MGAT4C: variants seen among roughly 807,000 people sequenced by gnomAD.
MGAT4C encodes the protein MGAT4 family member C.
In MGAT4C, 19 loss-of-function variants were observed where a neutral mutation model predicts 40.1. That is an observed-to-expected ratio of 0.47 (90% CI 0.33 to 0.70). The LOEUF (loss-of-function observed/expected upper bound fraction) is 0.70. MGAT4C is among the 30% of genes least tolerant of loss of function. The pLI, the probability that MGAT4C is intolerant of heterozygous loss-of-function variation, is 0.02. For missense variants in MGAT4C, 491 were observed against 563.2 expected, an observed-to-expected ratio of 0.87 and a Z score of 1.30; for synonymous variants, 181 against 187.1, an observed-to-expected ratio of 0.97 and a Z score of 0.27.
At chr12:86,620,874 T>C (rs1052255250) in intron 2 of MGAT4C, among the ~76,000 whole-genome samples, 2 of 152,166 alleles carry the variant, frequency 1.3e-5, no homozygotes, top group African/African-American at 2.4e-5. Flanking sequence ...CTCTTCCTCC[T>C]GCTCCCACCA....
chr12:86,035,620 C>T (rs1891156798), intron 2 of MGAT4C, among the ~76,000 whole-genome samples: 1 of 149,870 alleles, frequency 6.7e-6, no homozygotes, highest in East Asian at 1.9e-4. Flanking sequence ...GTGGCCATTT[C>T]TTTTGGTGTT....
At chr12:86,657,328 A>G (rs1963876076) in intron 2 of MGAT4C, among the ~76,000 whole-genome samples, 1 of 151,952 alleles carries the variant, frequency 6.6e-6, no homozygotes, top group Admixed American at 6.6e-5. Context: ...CCTTCATTAT[A>G]GAATGTCCTC....
intron 3 of MGAT4C, among the ~76,000 whole-genome samples, chr12:86,399,095 C>A (rs1006062591): frequency 1.8e-4 from 27 of 152,226 alleles, no homozygotes; most frequent in Middle Eastern, 3.4e-3. Flanking sequence ...CTCAGCCTCC[C>A]GAGTAGCTGG....
At chr12:86,415,667 G>A (rs947540489) in intron 3 of MGAT4C, among the ~76,000 whole-genome samples, 1 of 151,988 alleles carries the variant, frequency 6.6e-6, no homozygotes, top group Non-Finnish European at 1.5e-5. Flanking sequence ...CATGATTGTG[G>A]AGAGGATCAA....
At chr12:86,248,094 T>G (rs1161787689) in intron 1 of MGAT4C, among the ~76,000 whole-genome samples, 1 of 152,182 alleles carries the variant, frequency 6.6e-6, no homozygotes, top group African/African-American at 2.4e-5. Flanking sequence ...AGGAATTTCC[T>G]AAGGCTTCTT....
intron 2 of MGAT4C, among the ~76,000 whole-genome samples, chr12:86,047,076 C>G (rs1892467501): frequency 6.6e-6 from 1 of 151,942 alleles, no homozygotes; most frequent in South Asian, 2.1e-4. Context: ...AGATGAAAAT[C>G]GCCAAAACAA....
At chr12:86,362,230 C>T (rs967169428) in intron 3 of MGAT4C, among the ~76,000 whole-genome samples, 3 of 152,238 alleles carry the variant, frequency 2.0e-5, no homozygotes, top group South Asian at 2.1e-4. Context: ...AGCAAACTAT[C>T]GCAAGGACGG....
chr12:86,194,107 T>C (rs746452812), intron 1 of MGAT4C, among the ~76,000 whole-genome samples: 26 of 152,186 alleles, frequency 1.7e-4, no homozygotes, highest in Middle Eastern at 3.2e-3. Context: ...TGATGACTCA[T>C]CTTCCTGTTC....
intron 2 of MGAT4C, among the ~76,000 whole-genome samples, chr12:86,505,313 A>G (rs764357122): frequency 1.9e-4 from 29 of 152,292 alleles, no homozygotes; most frequent in Non-Finnish European, 3.2e-4. Context: ...TTCCATATCC[A>G]TTTCCTTTCT....
In MGAT4C at chr12:86,108,913, C is replaced by G. The variant is rs191759916; in HGVS notation, c.-56-59190G>C. Among the ~76,000 whole-genome samples the G allele has an allele frequency of 2.6e-5, 4 of 152,284 alleles. No homozygotes were observed. The East Asian group carries it at 7.7e-4, about 29-fold the overall frequency. On this transcript the variant is annotated intron_variant, in intron 1 of 4. Coordinates refer to ENST00000611864, the MANE Select transcript of MGAT4C (RefSeq NM_001351288.2). ...CACCGGAGACACACTTCCCAGCCTA[C>G]AGTTTGGCCACCTGTAGGCTGTAAA...
intron 1 of MGAT4C, among the ~76,000 whole-genome samples, chr12:86,237,132 AACAC>A (rs113335605): frequency 6.6e-6 from 1 of 151,156 alleles, no homozygotes; most frequent in African/African-American, 2.4e-5. Context: ...GGATATAGAA[AACAC>A]ACACACACCA....
At chr12:86,410,475 G>A (rs368782316) in intron 3 of MGAT4C, among the ~76,000 whole-genome samples, 1 of 152,042 alleles carries the variant, frequency 6.6e-6, no homozygotes, top group African/African-American at 2.4e-5. Flanking sequence ...AAAAAATATG[G>A]CTCTATTCTG....
chr12:86,793,368 T>C (rs1442253981), intron 1 of MGAT4C, among the ~76,000 whole-genome samples: 1 of 152,162 alleles, frequency 6.6e-6, no homozygotes, highest in Non-Finnish European at 1.5e-5. Flanking sequence ...CTGACCTCTC[T>C]ACTCTTTCTA....
At chr12:86,081,054 T>C (rs1870746864) in intron 1 of MGAT4C, among the ~76,000 whole-genome samples, 5 of 152,208 alleles carry the variant, frequency 3.3e-5, no homozygotes, top group Admixed American at 3.3e-4. Context: ...GGTTACCATT[T>C]GTTTCTCTGT....
At chr12:86,498,000 A>G (rs111687839) in intron 2 of MGAT4C, among the ~76,000 whole-genome samples, 1 of 145,822 alleles carries the variant, frequency 6.9e-6, no homozygotes, top group Non-Finnish European at 1.5e-5. Context: ...TATATATTAT[A>G]TTATATAATC....
chr12:86,804,748 T>G (rs1952315784), intron 1 of MGAT4C, among the ~76,000 whole-genome samples: 1 of 152,024 alleles, frequency 6.6e-6, no homozygotes, highest in Non-Finnish European at 1.5e-5. Flanking sequence ...AATTTGCACA[T>G]TTCTCAACAG....
intron 1 of MGAT4C, among the ~76,000 whole-genome samples, chr12:86,126,979 C>T (rs1226083156): frequency 6.6e-6 from 1 of 152,220 alleles, no homozygotes; most frequent in Non-Finnish European, 1.5e-5. Context: ...ATGGAACACA[C>T]AACCTAGATC....
chr12:86,358,669 T>C (rs1217700312), intron 3 of MGAT4C, among the ~76,000 whole-genome samples: 2 of 151,894 alleles, frequency 1.3e-5, no homozygotes, highest in Non-Finnish European at 2.9e-5. Flanking sequence ...AAAAGCAGGG[T>C]TGCAATCCTA....
chr12:86,527,094 T>C (rs1213533647), intron 2 of MGAT4C, among the ~76,000 whole-genome samples: 2 of 152,178 alleles, frequency 1.3e-5, no homozygotes, highest in African/African-American at 4.8e-5. Context: ...GCACAAGTCA[T>C]CTGGGTCCTT....
Sources: gnomAD v4.1 joint callset for allele counts (sites outside exome capture counted in the v4.1 genomes callset) on GRCh38, gnomAD v4.1.1 for gene constraint, MANE v1.5 for transcripts, NCBI Gene and HGNC (gene_info 2026-07-23, HGNC 2026-07-21) for gene names.